The following ARHGEF38 variants were observed in gnomAD, a reference collection of about 807,000 sequenced individuals.
The protein encoded by ARHGEF38 is Rho guanine nucleotide exchange factor (GEF) 38.
Under a neutral mutation model 79.9 loss-of-function variants are expected in ARHGEF38, and 79 were observed. That is an observed-to-expected ratio of 0.99 (90% CI 0.82 to 1.19). The LOEUF is 1.19. ARHGEF38 is among the 50% of genes most tolerant of loss of function. ARHGEF38 has a pLI of 0.00. For synonymous variants in ARHGEF38, 366 were observed against 328.3 expected (o/e 1.11, Z -1.24); for missense variants, 962 against 907.2 (o/e 1.06, Z -0.78).
chr4:105,668,889 CA>C (rs1434376567), intron 13 of ARHGEF38, among the ~76,000 whole-genome samples: 1 of 151,586 alleles, frequency 6.6e-6, no homozygotes, highest in Non-Finnish European at 1.5e-5. Context: ...TACTAAAAAT[CA>C]AAAAAATTAG....
intron 2 of ARHGEF38, among the ~76,000 whole-genome samples, chr4:105,608,730 G>A (rs928894937): frequency 1.3e-5 from 2 of 151,612 alleles, no homozygotes; most frequent in African/African-American, 2.4e-5. Context: ...AAGTTCATGG[G>A]TACATGTGCA....
At chr4:105,585,798 C>G (rs749353948) in intron 1 of ARHGEF38, among the ~76,000 whole-genome samples, 7 of 127,152 alleles carry the variant, frequency 5.5e-5, no homozygotes, top group Admixed American at 1.0e-4. Flanking sequence ...ATGGCACTAT[C>G]TCGGCTCACT....
chr4:105,584,619 A>ATC (rs1468842411), intron 1 of ARHGEF38, among the ~76,000 whole-genome samples: 2 of 152,114 alleles, frequency 1.3e-5, no homozygotes, highest in Admixed American at 6.6e-5. Context: ...CTATATCTAC[A>ATC]TCTCTCTCTC....
At chr4:105,610,624 G>A (rs1466929167) in intron 2 of ARHGEF38, among the ~76,000 whole-genome samples, 1 of 152,004 alleles carries the variant, frequency 6.6e-6, no homozygotes, top group Non-Finnish European at 1.5e-5. Context: ...CCTTGGCATA[G>A]CAATGATTGG....
At chr4:105,665,988 A>G (rs1374603249) in intron 10 of ARHGEF38, among the ~76,000 whole-genome samples, 189 bp from the exon 11 acceptor site, 1 of 152,124 alleles carries the variant, frequency 6.6e-6, no homozygotes, top group Non-Finnish European at 1.5e-5. Flanking sequence ...AAAAATTCCT[A>G]TCATGTTTGT....
At chr4:105,624,691 A>C (rs1189393810) in intron 3 of ARHGEF38, among the ~76,000 whole-genome samples, 1 of 152,202 alleles carries the variant, frequency 6.6e-6, no homozygotes, top group African/African-American at 2.4e-5. Flanking sequence ...GCTAGGAAAG[A>C]AAGGGAGAAA....
chr4:105,668,598 C>T lies in ARHGEF38; in HGVS notation c.2148+895C>T, dbSNP rs1730844032. Among the ~76,000 whole-genome samples the T allele has an allele frequency of 1.3e-5, 2 of 151,432 alleles. 1 individual carries two copies. Among genetic ancestry groups the T allele is most frequent in the South Asian group, 4.2e-4 (2 of 4,780 alleles). Reference sequence around the variant, plus strand: ...CCTTTATTTATTTACCTTGCTTTTTCTTTAGTGTTCTATTAATAATTTATT... The same window carrying T: ...CCTTTATTTATTTACCTTGCTTTTTTTTTAGTGTTCTATTAATAATTTATT... On this transcript the variant is annotated intron_variant, in intron 13 of 13. Coordinates refer to ENST00000420470, the MANE Select transcript of ARHGEF38 (RefSeq NM_001242729.2).
intron 13 of ARHGEF38, among the ~76,000 whole-genome samples, chr4:105,674,595 C>T (rs776865834): frequency 2.6e-5 from 4 of 152,082 alleles, no homozygotes; most frequent in Middle Eastern, 3.4e-3. Flanking sequence ...AGACTGCTGT[C>T]TCTTTAAAAG....
chr4:105,602,595 G>C (rs938969377), intron 2 of ARHGEF38, among the ~76,000 whole-genome samples: 6 of 152,128 alleles, frequency 3.9e-5, no homozygotes, highest in African/African-American at 7.2e-5. Context: ...AGGGATGACA[G>C]AGGGGAGAGC....
At chr4:105,603,103 A>G (rs1176092923) in intron 2 of ARHGEF38, among the ~76,000 whole-genome samples, 2 of 152,172 alleles carry the variant, frequency 1.3e-5, no homozygotes, top group Non-Finnish European at 2.9e-5. Flanking sequence ...TTTAGCAGCT[A>G]GCAGTTTGGT....
rs192059838 is a variant in ARHGEF38, at chr4:105,614,047, A to G, written c.508+540A>G. On this transcript the variant is annotated intron_variant, in intron 3 of 13. Transcript: ENST00000420470. ...CAAATATGTTTTTACTGTCAATCAGATATATTTATTTTCTTACTATGGTAG... is the reference window on the plus strand; with the variant it reads ...CAAATATGTTTTTACTGTCAATCAGGTATATTTATTTTCTTACTATGGTAG... Among the ~76,000 whole-genome samples, 640 of 152,118 alleles carry G rather than the reference A, an allele frequency of 4.2e-3. 8 individuals are homozygous for G. The highest frequency in any genetic ancestry group is 0.014 in the African/African-American group (598 of 41,498).
At chr4:105,646,102 G>A (rs6829048) in intron 6 of ARHGEF38, among the ~76,000 whole-genome samples, 1 of 152,038 alleles carries the variant, frequency 6.6e-6, no homozygotes, top group Non-Finnish European at 1.5e-5. Flanking sequence ...TTAAATCTCA[G>A]TTTGACATTA....
chr4:105,642,929 A>G (rs1346503714), intron 5 of ARHGEF38, among the ~76,000 whole-genome samples: 4 of 152,084 alleles, frequency 2.6e-5, no homozygotes, highest in Non-Finnish European at 5.9e-5. Flanking sequence ...AGATAATATG[A>G]TTTCCTCTAA....
chr4:105,628,616 C>T (rs1729050945), intron 3 of ARHGEF38, among the ~76,000 whole-genome samples: 1 of 152,130 alleles, frequency 6.6e-6, no homozygotes, highest in South Asian at 2.1e-4. Flanking sequence ...TGTCCTTCAG[C>T]TCCAAAGATG....
At chr4:105,561,986 T>A (rs1229982679) in intron 1 of ARHGEF38, among the ~76,000 whole-genome samples, 1 of 152,122 alleles carries the variant, frequency 6.6e-6, no homozygotes, top group Non-Finnish European at 1.5e-5. Flanking sequence ...TTTGTAAGAT[T>A]TGTTTGTGTA....
chr4:105,606,324 T>C (rs1728039132), intron 2 of ARHGEF38, among the ~76,000 whole-genome samples: 1 of 152,104 alleles, frequency 6.6e-6, no homozygotes. Context: ...AGCAGTGCTG[T>C]TTATTTTCTC....
chr4:105,633,816 A>G (rs952789342), intron 4 of ARHGEF38, among the ~76,000 whole-genome samples: 1 of 152,190 alleles, frequency 6.6e-6, no homozygotes, highest in Admixed American at 6.6e-5. Context: ...AAACAAAACC[A>G]TGTGGAAAGT....
At chr4:105,589,053 A>G (rs545464670) in intron 1 of ARHGEF38, among the ~76,000 whole-genome samples, 195 bp from the exon 2 acceptor site, 1 of 152,368 alleles carries the variant, frequency 6.6e-6, no homozygotes, top group African/African-American at 2.4e-5. Context: ...CACTTGTTAG[A>G]GGAAGTTCGC....
At chr4:105,583,762 T>C (rs1726905864) in intron 1 of ARHGEF38, among the ~76,000 whole-genome samples, 1 of 152,202 alleles carries the variant, frequency 6.6e-6, no homozygotes, top group Non-Finnish European at 1.5e-5. Flanking sequence ...TTTGGGCTCA[T>C]AGTAAGCCCT....
Sources: gnomAD v4.1 joint callset for allele counts (sites outside exome capture counted in the v4.1 genomes callset) on GRCh38, gnomAD v4.1.1 for gene constraint, MANE v1.5 for transcripts, NCBI Gene and HGNC (gene_info 2026-07-23, HGNC 2026-07-21) for gene names.